The following PCDHA2 variants were observed in gnomAD, a reference collection of about 807,000 sequenced individuals.
The protein encoded by PCDHA2 is protocadherin alpha-2.
A neutral mutation model predicts 66.0 loss-of-function variants in PCDHA2; 58 were observed. That is an observed-to-expected ratio of 0.88 (90% confidence interval 0.71 to 1.09). PCDHA2 has a LOEUF of 1.09. Ranked by LOEUF, PCDHA2 falls within the 50% of genes least tolerant of loss-of-function variation. PCDHA2 has a pLI of 0.00. For synonymous variants in PCDHA2, 634 were observed against 554.0 expected, an observed-to-expected ratio of 1.14 and a Z score of -2.03; for missense variants, 1,267 against 1,242.3, an observed-to-expected ratio of 1.02 and a Z score of -0.30.
chr5:140,869,934 A>ATTTTTTTTC, intron 1 of PCDHA2: 1 of 1,612,052 alleles, frequency 6.2e-7, no homozygotes, highest in African/African-American at 1.3e-5. Context: ...ATGGAGAGGT[A>ATTTTTTTTC]ACATACTCCT....
chr5:140,877,184 G>C (rs1554169429), intron 1 of PCDHA2: 1 of 1,613,842 alleles, frequency 6.2e-7, no homozygotes. Context: ...ACTCCGGCTG[G>C]CAGCGCAGGA....
intron 1 of PCDHA2, among the ~76,000 whole-genome samples, chr5:140,952,530 A>C (rs246033): frequency 0.56 from 85,631 of 151,920 alleles, 24,768 homozygotes; most frequent in African/African-American, 0.69. Flanking sequence ...ACCTCCTCAG[A>C]CTGGACTTCT....
At chr5:140,803,939 C>T in intron 1 of PCDHA2, 1 of 398,042 alleles carries the variant, frequency 2.5e-6, no homozygotes, top group Non-Finnish European at 4.5e-6. Context: ...TATCCCTATA[C>T]AATGCTTCTT....
chr5:140,870,206 T>G (rs1554163904), intron 1 of PCDHA2: 2 of 1,614,182 alleles, frequency 1.2e-6, no homozygotes, highest in Admixed American at 3.3e-5. Flanking sequence ...AGCACGGTCA[T>G]TGCCCTGATC....
At chr5:140,797,467 C>T (rs782707263) in intron 1 of PCDHA2, 115 bp downstream of exon 1, 14 of 1,245,236 alleles carry the variant, frequency 1.1e-5, no homozygotes, top group African/African-American at 6.1e-5. Flanking sequence ...ATCATCCTAC[C>T]GTGCGATTTT....
In PCDHA2 at chr5:141,009,853, G is replaced by A. The variant is rs1482682626; in HGVS notation, c.2763G>A (p.Lys921=). The change falls in exon 4 of 4, where the codon AAG becomes AAA. Residue 921 remains lysine (K), a synonymous_variant. Transcript: ENST00000526136. ...FITFGKKEET[K]KKKKKKKGNK... ...CCTTCGGCAAAAAGGAGGAGACCAAGAAAAAGAAGAAAAAGAAGAAGGGTA... is the reference window on the plus strand; with the variant it reads ...CCTTCGGCAAAAAGGAGGAGACCAAAAAAAAGAAGAAAAAGAAGAAGGGTA... 12 of 1,613,590 alleles carry A rather than the reference G, an allele frequency of 7.4e-6. No individual in the cohort carries two copies. Among genetic ancestry groups the A allele is most frequent in the Non-Finnish European group, 1.0e-5 (12 of 1,179,924 alleles).
Position 140,809,789 on chromosome 5 carries a change from A to G in PCDHA2, c.2388+12437A>G, listed in dbSNP as rs1764544475. 8.5e-6 allele frequency: 4 copies of G among 470,038 alleles called. No individual in the cohort carries two copies. The East Asian group carries it at 1.4e-4, about 17-fold the overall frequency. 29.1% of individuals were successfully genotyped at this position (470,038 alleles called of 1,614,324 possible). On this transcript the variant is annotated intron_variant, in intron 1 of 3. Coordinates refer to ENST00000526136, the MANE Select transcript of PCDHA2 (RefSeq NM_018905.3). The stretch of plus-strand genomic sequence containing the variant: ...GCATTATTCAATGCATATTAACAGA[A>G]CTGTAATTTCTAGTAAATTTTCACT...
At chr5:140,811,370 G>A (rs964805506) in intron 1 of PCDHA2, 7 of 152,158 alleles carry the variant, frequency 4.6e-5, no homozygotes, top group African/African-American at 1.7e-4. Context: ...AGTCTTCCAT[G>A]GTGTATATGT....
Position 140,829,594 on chromosome 5 carries a change from G to C in PCDHA2, c.2388+32242G>C. The C allele has an allele frequency of 1.2e-6, 2 of 1,611,982 alleles. No individual in the cohort carries two copies. The highest frequency in any genetic ancestry group is 1.7e-6 in the Non-Finnish European group (2 of 1,179,774). On this transcript the variant is annotated intron_variant, in intron 1 of 3. Coordinates refer to ENST00000526136, the MANE Select transcript of PCDHA2 (RefSeq NM_018905.3). The stretch of plus-strand genomic sequence containing the variant: ...CGCTGGTGGAGCGGCGGGTGGGCGA[G>C]CGCGCGTTGTCGAGCTACATTTCGG...
chr5:140,815,900 A>G (rs2126667825), intron 1 of PCDHA2: 61 of 152,250 alleles, frequency 4.0e-4, no homozygotes, highest in African/African-American at 1.4e-3. Context: ...TCAGTATAAC[A>G]TCTCACCCCT....
At chr5:140,816,096 CT>C (rs1765842833) in intron 1 of PCDHA2, 1 of 152,210 alleles carries the variant, frequency 6.6e-6, no homozygotes, top group East Asian at 1.9e-4. Flanking sequence ...GCTGTCTGTC[CT>C]TTTCTCTTAT....
chr5:140,928,664 G>A (rs186350151), intron 1 of PCDHA2: 2 of 1,614,214 alleles, frequency 1.2e-6, no homozygotes, highest in Non-Finnish European at 1.7e-6. Context: ...GCTGACAGTG[G>A]TTCTAATGCC....
At chr5:140,869,723 A>C (rs782155135) in intron 1 of PCDHA2, 8 of 1,613,430 alleles carry the variant, frequency 5.0e-6, no homozygotes, top group Non-Finnish European at 6.8e-6. Context: ...AAAACTCCGG[A>C]ACTTAATTTG....
At chr5:140,986,694 C>T (rs556228464) in intron 3 of PCDHA2, among the ~76,000 whole-genome samples, 1 of 152,266 alleles carries the variant, frequency 6.6e-6, no homozygotes, top group South Asian at 2.1e-4. Context: ...TTTCAAAACA[C>T]ACAGCACTGC....
chr5:140,803,943 G>C, intron 1 of PCDHA2: 1 of 377,142 alleles, frequency 2.7e-6, no homozygotes. Flanking sequence ...CCTATACAAT[G>C]CTTCTTCAAT....
chr5:140,824,073 A>G (rs1767987238), intron 1 of PCDHA2: 1 of 1,614,196 alleles, frequency 6.2e-7, no homozygotes, highest in Middle Eastern at 1.6e-4. Flanking sequence ...CACCCAAAAC[A>G]GACCTCATGG....
Position 140,797,055 on chromosome 5 carries a change from C to A in PCDHA2, c.2091C>A (p.Asn697Lys), listed in dbSNP as rs545469246. ...AGSEATLVDVNVYLIIAICAV... is the reference protein window; with the variant it reads ...AGSEATLVDVKVYLIIAICAV... ...CAGAGGCTACGCTGGTGGATGTCAA[C>A]GTGTACCTGATCATCGCCATCTGCG... is the stretch of plus-strand genomic sequence containing the variant. The change falls in exon 1 of 4, where the codon AAC (asparagine) becomes AAA (lysine). Residue 697 changes from asparagine to lysine, a missense_variant. Transcript: ENST00000526136. 3.7e-6 allele frequency: 6 copies of A among 1,613,756 alleles called. No individual in the cohort carries two copies. The African/African-American group carries it at 6.7e-5, about 18-fold the overall frequency.
chr5:140,826,252 A>G (rs1768870468), intron 1 of PCDHA2, among the ~76,000 whole-genome samples: 1 of 152,224 alleles, frequency 6.6e-6, no homozygotes, highest in African/African-American at 2.4e-5. Context: ...ATCTCTTTAT[A>G]TATCAAGTCT....
At chr5:140,883,313 G>A (rs1469839417) in intron 1 of PCDHA2, 2 of 1,614,000 alleles carry the variant, frequency 1.2e-6, no homozygotes, top group African/African-American at 2.7e-5. Flanking sequence ...TAACGCCCCA[G>A]AGGTTACCAT....
Sources: allele counts gnomAD v4.1 joint callset (sites outside exome capture counted in the v4.1 genomes callset), GRCh38; gene constraint gnomAD v4.1.1; transcripts MANE v1.5; gene names NCBI Gene and HGNC (gene_info 2026-07-23, HGNC 2026-07-21).